RAB1A: variants seen among roughly 807,000 people sequenced by gnomAD.
The protein encoded by RAB1A is ras-related protein Rab-1A.
In RAB1A, 2 loss-of-function variants were observed where a neutral mutation model predicts 26.0. The observed-to-expected ratio is 0.08, with a 90% CI of 0.03 to 0.24. The LOEUF (loss-of-function observed/expected upper bound fraction) is 0.24. Ranked by LOEUF, RAB1A falls within the 10% of genes least tolerant of loss-of-function variation. The probability of loss-of-function intolerance (pLI) is 1.00; values close to 1 mark genes in which losing one functional copy is unlikely to be tolerated. For synonymous variants in RAB1A, 84 were observed against 84.9 expected (o/e 0.99, Z 0.06); for missense variants, 100 against 247.0 (o/e 0.40, Z 3.99).
At chr2:65,118,344 G>C (rs1220728269) in intron 1 of RAB1A, among the ~76,000 whole-genome samples, 2 of 151,870 alleles carry the variant, frequency 1.3e-5, no homozygotes, top group Non-Finnish European at 2.9e-5. Context: ...TTGAACATGA[G>C]TCATTTTCTT....
chr2:65,087,076 G>T lies in RAB1A; in HGVS notation c.*1417C>A, dbSNP rs1194448134. On this transcript the variant is annotated 3_prime_UTR_variant, in exon 6 of 6. Transcript: ENST00000409784. ...GAGCCCACAACAAAATGTGTTGCCA[G>T]CAGCCATATCCCAAGCCCCTGCGTG... 6.6e-6 allele frequency: 1 copy of T among 152,112 alleles called. No individual in the cohort carries two copies. Among genetic ancestry groups the T allele is most frequent in the African/African-American group, 2.4e-5 (1 of 41,406 alleles). 9.4% of individuals were successfully genotyped at this position (152,112 alleles called of 1,614,324 possible).
chr2:65,111,951 C>T (rs1669708218), intron 1 of RAB1A, among the ~76,000 whole-genome samples: 1 of 150,866 alleles, frequency 6.6e-6, no homozygotes, highest in Non-Finnish European at 1.5e-5. Context: ...GGCGTGGTGG[C>T]ACGCACCTGT....
At chr2:65,097,283 C>G (rs1295921121) in intron 3 of RAB1A, among the ~76,000 whole-genome samples, 1 of 151,998 alleles carries the variant, frequency 6.6e-6, no homozygotes, top group Non-Finnish European at 1.5e-5. Flanking sequence ...AGAGGCACAA[C>G]TGAACTATTA....
Position 65,105,595 on chromosome 2 carries a change from C to T in RAB1A, c.24-789G>A, listed in dbSNP as rs1669536623. On this transcript the variant is annotated intron_variant, in intron 1 of 5. Coordinates refer to ENST00000409784, the MANE Select transcript of RAB1A (RefSeq NM_004161.5). Reference sequence around the variant, plus strand: ...CTCCAATGAAGGGGTTCTCACGATCCTTCTCTAGCATCCAGCTTGAATTCT... The same window carrying T: ...CTCCAATGAAGGGGTTCTCACGATCTTTCTCTAGCATCCAGCTTGAATTCT... Among the ~76,000 whole-genome samples the T allele has an allele frequency of 1.3e-5, 2 of 150,898 alleles. 1 individual carries two copies. The highest frequency in any genetic ancestry group is 4.2e-4 in the South Asian group (2 of 4,786).
rs1294699156 is a variant in RAB1A, at chr2:65,098,055, A to G, written c.108T>C (p.Tyr36=). 7 of 1,547,614 alleles carry G rather than the reference A, an allele frequency of 4.5e-6. No individual in the cohort carries two copies. The highest frequency in any genetic ancestry group is 5.3e-6 in the Non-Finnish European group (6 of 1,137,142). The part of the protein sequence containing the change: ...CLLLRFADDT[Y]TESYISTIGV... ...CAATTGTGCTGATGTAGCTTTCTGT[A>G]TATGTATCATCCTGAAGGGGGAAAT... The change falls in exon 3 of 6, where the codon TAT becomes TAC. Residue 36 remains tyrosine (Y), a synonymous_variant. Transcript: ENST00000409784.
intron 1 of RAB1A, among the ~76,000 whole-genome samples, chr2:65,117,583 G>C (rs1042650664): frequency 2.6e-5 from 4 of 152,008 alleles, no homozygotes; most frequent in African/African-American, 4.8e-5. Flanking sequence ...TTTTTTGTGT[G>C]TGAGATAGGC....
Position 65,087,884 on chromosome 2 carries a change from C to T in RAB1A, c.*609G>A, listed in dbSNP as rs1321404987. 4 of 152,636 alleles carry T rather than the reference C, an allele frequency of 2.6e-5. No individual in the cohort carries two copies. Among genetic ancestry groups the T allele is most frequent in the African/African-American group, 7.2e-5 (3 of 41,448 alleles). The allele number at this position is 152,636 out of a possible 1,614,324, so 9.5% of individuals were successfully genotyped here. ...ATCACCATACAGTTTGATATTACTTCCAATAAGTACAATATTTATTAAACA... is the reference window on the plus strand; with the variant it reads ...ATCACCATACAGTTTGATATTACTTTCAATAAGTACAATATTTATTAAACA... On this transcript the variant is annotated 3_prime_UTR_variant, in exon 6 of 6. Transcript: ENST00000409784.
chr2:65,103,658 A>G (rs972090754), intron 2 of RAB1A, among the ~76,000 whole-genome samples: 10 of 152,204 alleles, frequency 6.6e-5, no homozygotes, highest in Admixed American at 2.0e-4. Context: ...ACATCTTAGT[A>G]TTATTAGGAT....
chr2:65,100,763 CAA>C (rs10597136), intron 2 of RAB1A, among the ~76,000 whole-genome samples: 111,205 of 128,722 alleles, frequency 0.86, 47,662 homozygotes, highest in East Asian at 0.98. Flanking sequence ...CATCTCAAAC[CAA>C]AAAAAAAAAA....
intron 3 of RAB1A, 64 bp downstream of exon 3, chr2:65,097,907 A>C (rs1223776620): frequency 2.7e-5 from 25 of 926,552 alleles, no homozygotes; most frequent in Non-Finnish European, 3.2e-6. Flanking sequence ...ATATATACAA[A>C]ATAACAATAC....
intron 1 of RAB1A, among the ~76,000 whole-genome samples, chr2:65,124,973 CA>C (rs1670063264): frequency 6.7e-6 from 1 of 148,924 alleles, no homozygotes; most frequent in African/African-American, 2.5e-5. Context: ...AAACCACCAC[CA>C]AAAGTCACAA....
At chr2:65,097,133 T>C (rs576187849) in intron 3 of RAB1A, among the ~76,000 whole-genome samples, 1 of 152,314 alleles carries the variant, frequency 6.6e-6, no homozygotes, top group African/African-American at 2.4e-5. Context: ...TGTCATCAGT[T>C]CCATGAAAAG....
chr2:65,106,570 T>C (rs1276641472), intron 1 of RAB1A, among the ~76,000 whole-genome samples: 3 of 150,514 alleles, frequency 2.0e-5, no homozygotes, highest in East Asian at 3.9e-4. Context: ...ATACTTATTG[T>C]CTTTAATTAT....
chr2:65,103,304 A>AAAAAAAAAAAAAAACAC (rs757626011), intron 2 of RAB1A, among the ~76,000 whole-genome samples: 2 of 112,534 alleles, frequency 1.8e-5, no homozygotes, highest in Admixed American at 2.0e-4. Flanking sequence ...TGTCTCAAAA[A>AAAAAAAAAAAAAAACAC]AAAAAAAAAA....
intron 1 of RAB1A, among the ~76,000 whole-genome samples, chr2:65,127,970 G>C (rs1381782171): frequency 6.6e-6 from 1 of 152,020 alleles, no homozygotes; most frequent in Non-Finnish European, 1.5e-5. Flanking sequence ...TCCTGACCTC[G>C]GGATCCGCCC....
In RAB1A at chr2:65,101,563, T is replaced by G. The variant is rs532283931; in HGVS notation, c.96+3171A>C. On this transcript the variant is annotated intron_variant, in intron 2 of 5. Transcript: ENST00000409784. ...GGGTTTTCCTTGAGGCACAAACGCC[T>G]GAGGCTACAGCTAGATTCTTCCCAC... Among the ~76,000 whole-genome samples, 12 of 152,270 alleles carry G rather than the reference T, an allele frequency of 7.9e-5. No individual in the cohort carries two copies. In the South Asian group the frequency reaches 2.3e-3, roughly 29 times the overall value.
At chr2:65,126,271 G>A (rs1248415375) in intron 1 of RAB1A, among the ~76,000 whole-genome samples, 4 of 151,208 alleles carry the variant, frequency 2.6e-5, no homozygotes, top group African/African-American at 4.9e-5. Context: ...CCAAGATCGC[G>A]CCACTGCACT....
At chr2:65,105,252 C>T in intron 1 of RAB1A, 9 of 219,316 alleles carry the variant, frequency 4.1e-5, no homozygotes, top group Non-Finnish European at 8.3e-5. Context: ...CACCTGTAAT[C>T]CCAACACTTT....
intron 3 of RAB1A, among the ~76,000 whole-genome samples, chr2:65,094,302 C>T (rs534319335): frequency 3.9e-5 from 6 of 152,204 alleles, no homozygotes; most frequent in East Asian, 1.9e-4. Context: ...ACAAGCAAAT[C>T]GGCCAGGCGC....
Sources: gnomAD v4.1 joint callset for allele counts (sites outside exome capture counted in the v4.1 genomes callset) on GRCh38, gnomAD v4.1.1 for gene constraint, MANE v1.5 for transcripts, NCBI Gene and HGNC (gene_info 2026-07-23, HGNC 2026-07-21) for gene names.